The following ESR1 variants were observed in gnomAD, a reference collection of about 807,000 sequenced individuals.
ESR1 encodes the protein estrogen receptor.
Under a neutral mutation model 52.7 loss-of-function variants are expected in ESR1, and 12 were observed. The ratio of observed to expected loss-of-function variants is 0.23; its 90% CI spans 0.15 to 0.37. ESR1 has a LOEUF of 0.37. Ranked by LOEUF, ESR1 falls within the 10% of genes least tolerant of loss-of-function variation. The probability of loss-of-function intolerance (pLI) is 1.00; values close to 1 mark genes in which losing one functional copy is unlikely to be tolerated. For missense variants in ESR1, 584 were observed against 779.7 expected (o/e 0.75, Z 2.99); for synonymous variants, 305 against 316.8 (o/e 0.96, Z 0.39).
At chr6:151,975,566 G>A (rs998313196) in intron 4 of ESR1, among the ~76,000 whole-genome samples, 27 of 152,016 alleles carry the variant, frequency 1.8e-4, no homozygotes, top group African/African-American at 4.3e-4. Flanking sequence ...AAGCTCAGGC[G>A]GGATTTCTCT....
chr6:151,983,986 G>A (rs2040222948), intron 4 of ESR1: 2 of 152,124 alleles, frequency 1.3e-5, no homozygotes, highest in South Asian at 4.1e-4. Context: ...TTTCTATCCA[G>A]TTGACTATGG....
At chr6:152,015,330 C>T (rs181441511) in intron 5 of ESR1, among the ~76,000 whole-genome samples, 299 of 152,246 alleles carry the variant, frequency 2.0e-3, no homozygotes, top group Admixed American at 5.2e-3. Flanking sequence ...TAAAATCTTC[C>T]TTCAAACTTT....
intron 2 of ESR1, among the ~76,000 whole-genome samples, chr6:151,733,386 T>C (rs1456025124): frequency 1.3e-5 from 2 of 152,188 alleles, no homozygotes. Context: ...CTCTGCTTAA[T>C]TGTATGTTTC....
At chr6:151,979,977 G>T (rs1037730478) in intron 4 of ESR1, among the ~76,000 whole-genome samples, 2 of 152,118 alleles carry the variant, frequency 1.3e-5, no homozygotes, top group African/African-American at 2.4e-5. Flanking sequence ...TTTCCAAATT[G>T]CATAATGCTA....
At chr6:151,947,737 A>G (rs1353968363) in intron 4 of ESR1, among the ~76,000 whole-genome samples, 1 of 152,212 alleles carries the variant, frequency 6.6e-6, no homozygotes, top group Non-Finnish European at 1.5e-5. Context: ...GTCAAGTTCC[A>G]ATCCATAAAG....
chr6:151,830,725 C>T (rs1782268641), intron 1 of ESR1, among the ~76,000 whole-genome samples: 1 of 152,090 alleles, frequency 6.6e-6, no homozygotes, highest in African/African-American at 2.4e-5. Context: ...GAACTTTTTC[C>T]AGTCTATTCT....
intron 2 of ESR1, among the ~76,000 whole-genome samples, chr6:151,734,935 A>G (rs1218225878): frequency 6.6e-6 from 1 of 152,132 alleles, no homozygotes; most frequent in African/African-American, 2.4e-5. Flanking sequence ...CCTTCAAAAG[A>G]TTTAAAAAAA....
At chr6:151,827,171 A>G (rs1201761995) in intron 1 of ESR1, among the ~76,000 whole-genome samples, 2 of 151,990 alleles carry the variant, frequency 1.3e-5, no homozygotes, top group Admixed American at 1.3e-4. Flanking sequence ...AAAAAAATAC[A>G]AAGAAAATTA....
chr6:151,684,431 A>G lies in ESR1; in HGVS notation n.74-17444A>G, dbSNP rs558153333. Among the ~76,000 whole-genome samples the G allele has an allele frequency of 2.0e-5, 3 of 152,332 alleles. No homozygotes were observed. The South Asian group carries it at 6.2e-4, about 32-fold the overall frequency. On this transcript the variant is annotated intron_variant and non_coding_transcript_variant, in intron 1 of 2. Transcript: ENST00000473497. ...ACGGTGAGGATGATTAATCGGGAAC[A>G]TAATCTGGTGAAGGTATGTTGGACG...
chr6:151,950,165 A>G (rs577567138), intron 4 of ESR1, among the ~76,000 whole-genome samples: 75 of 152,332 alleles, frequency 4.9e-4, no homozygotes, highest in African/African-American at 1.6e-3. Flanking sequence ...CCCAGCCACA[A>G]TGGAACTGTA....
At chr6:151,828,859 A>G (rs1200533922) in intron 1 of ESR1, among the ~76,000 whole-genome samples, 1 of 152,218 alleles carries the variant, frequency 6.6e-6, no homozygotes, top group East Asian at 1.9e-4. Context: ...AGGCTCTGCT[A>G]TGTCTTCTTA....
intron 2 of ESR1, among the ~76,000 whole-genome samples, chr6:151,738,906 G>T (rs1562368656): frequency 6.6e-6 from 1 of 152,166 alleles, no homozygotes; most frequent in Non-Finnish European, 1.5e-5. Context: ...TTGGGACAAT[G>T]TTGATACTCT....
intron 6 of ESR1, among the ~76,000 whole-genome samples, chr6:152,081,881 T>G (rs1432498298): frequency 1.3e-5 from 2 of 151,984 alleles, no homozygotes; most frequent in Non-Finnish European, 2.9e-5. Context: ...CTAGAAGAAA[T>G]GGATAAATTC....
chr6:152,098,815 C>T lies in ESR1; in HGVS notation c.1637C>T (p.Ala546Val), dbSNP rs2152506669. 6.2e-7 allele frequency: 1 copy of T among 1,614,112 alleles called. No homozygotes were observed. The highest frequency in any genetic ancestry group is 1.1e-5 in the South Asian group (1 of 91,072). Residue 546 changes from alanine (A) to valine (V), a missense_variant, in exon 8 of 8, where the codon GCC (alanine) becomes GTC (valine). This residue lies in a region of ESR1 where 141 missense variants were observed against 289.3 expected (regional missense o/e 0.49). Transcript: ENST00000206249. The surrounding 1 kb of genome is among the most constrained non-coding windows in gnomAD (Gnocchi z 5.1). ...LYDLLLEMLD[A>V]HRLHAPTSRG... Reference sequence around the variant, plus strand: ...GACCTGCTGCTGGAGATGCTGGACGCCCACCGCCTACATGCGCCCACTAGC... The same window carrying T: ...GACCTGCTGCTGGAGATGCTGGACGTCCACCGCCTACATGCGCCCACTAGC...
chr6:151,846,620 G>A (rs2128240913), intron 2 of ESR1, among the ~76,000 whole-genome samples: 1 of 152,272 alleles, frequency 6.6e-6, no homozygotes, highest in Non-Finnish European at 1.5e-5. Flanking sequence ...AAGTGTTTTG[G>A]TTGAAGAGGT....
intron 2 of ESR1, among the ~76,000 whole-genome samples, chr6:151,873,070 C>T (rs1295783092): frequency 6.6e-6 from 1 of 152,148 alleles, no homozygotes; most frequent in Non-Finnish European, 1.5e-5. Context: ...ACTTGGTGGT[C>T]AGACAGTTGC....
chr6:151,831,839 C>CT (rs1782472105), intron 1 of ESR1, among the ~76,000 whole-genome samples: 1 of 152,208 alleles, frequency 6.6e-6, no homozygotes, highest in African/African-American at 2.4e-5. Context: ...TGGCCAGCCC[C>CT]TTTCACTTTA....
At chr6:151,862,951 TA>T (rs201261860) in intron 2 of ESR1, among the ~76,000 whole-genome samples, 33 of 150,894 alleles carry the variant, frequency 2.2e-4, no homozygotes, top group Non-Finnish European at 2.8e-4. Context: ...TATGGATTAT[TA>T]AAAAAAAACA....
chr6:151,730,240 C>G (rs570993516), intron 2 of ESR1, among the ~76,000 whole-genome samples: 1 of 152,158 alleles, frequency 6.6e-6, no homozygotes, highest in East Asian at 1.9e-4. Context: ...CCTTCGACCC[C>G]CCGGGGCTGA....
Sources: gnomAD v4.1 joint callset for allele counts (sites outside exome capture counted in the v4.1 genomes callset) on GRCh38, gnomAD v4.1.1 for gene constraint, gnomAD v4.1.1 regional missense constraint, Gnocchi (gnomAD v3.1) non-coding constraint, MANE v1.5 for transcripts, NCBI Gene and HGNC (gene_info 2026-07-23, HGNC 2026-07-21) for gene names.